The following POU6F1 variants were observed in gnomAD, a reference collection of about 807,000 sequenced individuals.
POU6F1 encodes POU class 6 homeobox 1.
A neutral mutation model predicts 28.9 loss-of-function variants in POU6F1; 9 were observed. The ratio of observed to expected loss-of-function variants is 0.31; its 90% CI spans 0.19 to 0.54. The LOEUF (loss-of-function observed/expected upper bound fraction) is 0.54, where lower values mean the gene tolerates loss of function less well. POU6F1 is among the 20% of genes least tolerant of loss of function. The probability of loss-of-function intolerance (pLI) is 0.94; values close to 1 mark genes in which losing one functional copy is unlikely to be tolerated. For missense variants in POU6F1, 338 were observed against 426.1 expected, an observed-to-expected ratio of 0.79 and a Z score of 1.82; for synonymous variants, 173 against 171.1, an observed-to-expected ratio of 1.01 and a Z score of -0.09.
intron 2 of POU6F1, among the ~76,000 whole-genome samples, chr12:51,206,220 G>A (rs1395001882): frequency 6.6e-6 from 1 of 150,974 alleles, no homozygotes; most frequent in African/African-American, 2.4e-5. Flanking sequence ...TCAGGAGATC[G>A]AGACCATCCT....
At chr12:51,213,624 CCCAGGTTCAAACGATTCT>C (rs1944142003) in intron 1 of POU6F1, among the ~76,000 whole-genome samples, 2 of 152,038 alleles carry the variant, frequency 1.3e-5, no homozygotes, top group South Asian at 4.1e-4. Flanking sequence ...ACCTCTGCCT[CCCAGGTTCAAACGATTCT>C]CCTGCCTCAA....
Position 51,188,988 on chromosome 12 carries a change from A to G in POU6F1, c.*1259T>C, listed in dbSNP as rs1241442683. On this transcript the variant is annotated 3_prime_UTR_variant, in exon 11 of 11. Transcript: ENST00000333640. ...ACAGCTTGGATGAGAGCTAACCCCC[A>G]AGGTACCATAGCTACCCCGTCTAGA... is the stretch of plus-strand genomic sequence containing the variant. 6.6e-6 allele frequency: 1 copy of G among 152,158 alleles called. No individual in the cohort carries two copies. The highest frequency in any genetic ancestry group is 2.4e-5 in the African/African-American group (1 of 41,418). The allele number at this position is 152,158 out of a possible 1,614,324, so 9.4% of individuals were successfully genotyped here.
intron 10 of POU6F1, 137 bp downstream of exon 10, chr12:51,191,459 G>T: frequency 9.5e-7 from 1 of 1,047,758 alleles, no homozygotes; most frequent in East Asian, 2.6e-5. Flanking sequence ...CTACCCTTAA[G>T]ATGGTCTTCC....
At chr12:51,208,183 G>A (rs1182313346) in intron 1 of POU6F1, among the ~76,000 whole-genome samples, 1 of 151,776 alleles carries the variant, frequency 6.6e-6, no homozygotes, top group Non-Finnish European at 1.5e-5. Flanking sequence ...GGAGGCTGAG[G>A]TGGGAAGATC....
chr12:51,189,853 A>T lies in POU6F1; in HGVS notation c.*394T>A. The T allele has an allele frequency of 4.5e-6, 1 of 220,760 alleles. No homozygotes were observed. The highest frequency in any genetic ancestry group is 9.2e-6 in the Non-Finnish European group (1 of 109,036). 13.7% of individuals were successfully genotyped at this position (220,760 alleles called of 1,614,324 possible). A position where few individuals can be genotyped will look rare whatever the true frequency, so the allele number is the denominator to read the frequency against. ...GCAAAGGAGAAGACAAGGTGGAAAG[A>T]GAATGCCATCAAAAGCAAGAGCTAA... On this transcript the variant is annotated 3_prime_UTR_variant, in exon 11 of 11. Coordinates refer to ENST00000333640, the MANE Select transcript of POU6F1 (RefSeq NM_001330422.2).
At chr12:51,215,555 CAAA>C (rs11415220) in intron 1 of POU6F1, among the ~76,000 whole-genome samples, 5 of 88,610 alleles carry the variant, frequency 5.6e-5, no homozygotes, top group Non-Finnish European at 6.3e-5. Flanking sequence ...AACCCTGTCT[CAAA>C]AAAAAAAAAA....
At chr12:51,216,404 T>C (rs1007376666) in intron 1 of POU6F1, among the ~76,000 whole-genome samples, 2 of 152,156 alleles carry the variant, frequency 1.3e-5, no homozygotes, top group African/African-American at 4.8e-5. Context: ...AATCACTCTA[T>C]GGTATTACCT....
intron 2 of POU6F1, among the ~76,000 whole-genome samples, chr12:51,206,531 A>C (rs557764084): frequency 2.6e-5 from 4 of 152,244 alleles, no homozygotes; most frequent in South Asian, 2.1e-4. Flanking sequence ...CTAAGGAGTA[A>C]ATTACCTGAT....
intron 1 of POU6F1, among the ~76,000 whole-genome samples, chr12:51,213,466 A>C (rs1944130936): frequency 2.0e-5 from 3 of 149,774 alleles, no homozygotes; most frequent in South Asian, 2.1e-4. Context: ...TTCCCACCTC[A>C]GCCTCCCAAA....
intron 1 of POU6F1, among the ~76,000 whole-genome samples, chr12:51,213,091 C>A (rs570650775): frequency 6.6e-6 from 1 of 151,992 alleles, no homozygotes; most frequent in Non-Finnish European, 1.5e-5. Context: ...TGCGCATCAC[C>A]GCACCAGGCT....
intron 1 of POU6F1, among the ~76,000 whole-genome samples, chr12:51,208,684 T>A (rs939766409): frequency 2.0e-5 from 3 of 152,194 alleles, no homozygotes; most frequent in Non-Finnish European, 2.9e-5. Flanking sequence ...CCAAGGCTCA[T>A]GCCTGTAATC....
Position 51,188,788 on chromosome 12 carries a change from G to A in POU6F1, c.*1459C>T, listed in dbSNP as rs987440875. The A allele has an allele frequency of 6.6e-6, 1 of 152,236 alleles. No homozygotes were observed. Among genetic ancestry groups the A allele is most frequent in the Non-Finnish European group, 1.5e-5 (1 of 68,070 alleles). 9.4% of individuals were successfully genotyped at this position (152,236 alleles called of 1,614,324 possible). ...GCTGTTAGAGACCAGCCTCTGTAAG[G>A]ATAAGAGTACTGAAGACAGGGGTGG... On this transcript the variant is annotated 3_prime_UTR_variant, in exon 11 of 11. Coordinates refer to ENST00000333640, the MANE Select transcript of POU6F1 (RefSeq NM_001330422.2).
chr12:51,206,065 C>G (rs1412742612), intron 2 of POU6F1, among the ~76,000 whole-genome samples: 1 of 149,420 alleles, frequency 6.7e-6, no homozygotes, highest in Non-Finnish European at 1.5e-5. Context: ...GTGATCCACC[C>G]ACCTCGGCCT....
Position 51,190,660 on chromosome 12 carries a change from T to C in POU6F1, c.1491-68A>G. On this transcript the variant is annotated intron_variant, in intron 10 of 10. Transcript: ENST00000333640. The surrounding 1 kb of genome is among the most constrained non-coding windows in gnomAD (Gnocchi z 4.5). ...TGGTCTCTTTGGCACACCCCGCACCTAGGTGCAGGCTCCATCCTCAAGGGG... is the reference window on the plus strand; with the variant it reads ...TGGTCTCTTTGGCACACCCCGCACCCAGGTGCAGGCTCCATCCTCAAGGGG... 6 of 1,563,094 alleles carry C rather than the reference T, an allele frequency of 3.8e-6. No individual in the cohort carries two copies. Among genetic ancestry groups the C allele is most frequent in the Non-Finnish European group, 5.2e-6 (6 of 1,157,710 alleles).
intron 1 of POU6F1, among the ~76,000 whole-genome samples, chr12:51,213,356 T>C (rs1015500392): frequency 6.6e-6 from 1 of 152,190 alleles, no homozygotes; most frequent in Non-Finnish European, 1.5e-5. Flanking sequence ...TTCAGACTTT[T>C]AAACTCAGAT....
At chr12:51,200,324 G>T (rs1048458015) in intron 3 of POU6F1, among the ~76,000 whole-genome samples, 3 of 152,226 alleles carry the variant, frequency 2.0e-5, no homozygotes. Flanking sequence ...GGATGCAGCT[G>T]CTGAAAGGGC....
chr12:51,209,766 C>T (rs1326773646), intron 1 of POU6F1, among the ~76,000 whole-genome samples: 2 of 152,128 alleles, frequency 1.3e-5, no homozygotes, highest in Non-Finnish European at 2.9e-5. Flanking sequence ...TCCTTAACCC[C>T]TCTAGAGTGG....
intron 1 of POU6F1, among the ~76,000 whole-genome samples, chr12:51,214,339 G>A (rs542142599): frequency 6.6e-6 from 1 of 151,890 alleles, no homozygotes; most frequent in Admixed American, 6.6e-5. Context: ...TTGACCAAGG[G>A]CACAGGAGAG....
Position 51,190,150 on chromosome 12 carries a change from C to A in POU6F1, c.*97G>T. 6.6e-7 allele frequency: 1 copy of A among 1,505,162 alleles called. No homozygotes were observed. The highest frequency in any genetic ancestry group is 2.4e-5 in the East Asian group (1 of 41,734). 93.2% of individuals were successfully genotyped at this position (1,505,162 alleles called of 1,614,324 possible). A position where few individuals can be genotyped will look rare whatever the true frequency, so the allele number is the denominator to read the frequency against. On this transcript the variant is annotated 3_prime_UTR_variant, in exon 11 of 11. Coordinates refer to ENST00000333640, the MANE Select transcript of POU6F1 (RefSeq NM_001330422.2). This position sits in a 1 kb window ranked among gnomAD's most constrained non-coding sequence, Gnocchi z 4.5. The stretch of plus-strand genomic sequence containing the variant: ...TGATGACCTGGGGTGAGCACAGCTG[C>A]ACGTGGCAAAATGACAGGTGCTGTC...
Sources: gnomAD v4.1 joint callset for allele counts (sites outside exome capture counted in the v4.1 genomes callset) on GRCh38, gnomAD v4.1.1 for gene constraint, Gnocchi (gnomAD v3.1) non-coding constraint, MANE v1.5 for transcripts, NCBI Gene and HGNC (gene_info 2026-07-23, HGNC 2026-07-21) for gene names.